NOSIP: variants seen among roughly 807,000 people sequenced by gnomAD.
The protein encoded by NOSIP is nitric oxide synthase interacting protein, also known as nitric oxide synthase-interacting protein.
A neutral mutation model predicts 36.4 loss-of-function variants in NOSIP; 25 were observed. The ratio of observed to expected loss-of-function variants is 0.69; its 90% CI spans 0.50 to 0.96. The LOEUF is 0.96. Ranked by LOEUF, NOSIP falls within the 40% of genes least tolerant of loss-of-function variation. The pLI is 0.00. For synonymous variants in NOSIP, 187 were observed against 179.2 expected, an observed-to-expected ratio of 1.04 and a Z score of -0.35; for missense variants, 370 against 429.0, an observed-to-expected ratio of 0.86 and a Z score of 1.21.
At chr19:49,561,334 G>A (rs1015647144) in intron 1 of NOSIP, among the ~76,000 whole-genome samples, 5 of 152,218 alleles carry the variant, frequency 3.3e-5, no homozygotes, top group Non-Finnish European at 5.9e-5. Flanking sequence ...AAAGGAGGAA[G>A]AGAAGACCCC....
chr19:49,556,383 C>A lies in NOSIP; in HGVS notation c.768G>T (p.Arg256=), dbSNP rs201174800. The A allele has an allele frequency of 1.2e-6, 2 of 1,613,812 alleles. No homozygotes were observed. Among genetic ancestry groups the A allele is most frequent in the African/African-American group, 1.3e-5 (1 of 74,966 alleles). ...VTLECVEKLI[R]KDMVDPVTGD... is the part of the protein sequence containing the mutation. ...CAGTCACAGGGTCCACCATGTCCTT[C>A]CGAATCAGCTTCTCCACGCATTCGA... The change falls in exon 8 of 9, where the codon CGG becomes CGT. Residue 256 remains arginine (R), a synonymous_variant. Transcript: ENST00000596358.
At chr19:49,558,413 AT>A (rs146638349) in intron 4 of NOSIP, 59 of 148,514 alleles carry the variant, frequency 4.0e-4, no homozygotes, top group East Asian at 1.6e-3. Flanking sequence ...GCCCGGCTCA[AT>A]TTTTTTTTTT....
chr19:49,561,377 T>G (rs1005156828), intron 1 of NOSIP, among the ~76,000 whole-genome samples: 1 of 152,120 alleles, frequency 6.6e-6, no homozygotes, highest in African/African-American at 2.4e-5. Context: ...AAAGCAAAGC[T>G]TTTTTTATTC....
At position 49,556,723 on chromosome 19, in the gene NOSIP, G is replaced by T; in HGVS notation, c.551C>A (p.Thr184Asn). The change falls in exon 7 of 9, where the codon ACC becomes AAC. Residue 184 changes from threonine to asparagine, a missense_variant. Thr to Asn is a moderately conservative substitution (Grantham distance 65). This residue lies in a region of NOSIP where 315 missense variants were observed against 331.9 expected (regional missense o/e 0.95). Transcript: ENST00000596358. ...CAGGGGCTTCCCTGACATGGGGCAG[G>T]TCACCGTGCGGGACTGCAAGGGGCA... is the stretch of plus-strand genomic sequence containing the variant. ...TKLEKPSRTV[T>N]CPMSGKPLRM... 1 of 1,607,774 alleles carries T rather than the reference G, an allele frequency of 6.2e-7. No homozygotes were observed.
At chr19:49,561,217 G>A (rs966890070) in intron 1 of NOSIP, among the ~76,000 whole-genome samples, 50 of 152,142 alleles carry the variant, frequency 3.3e-4, no homozygotes, top group African/African-American at 1.2e-3. Context: ...GTCCACTAGC[G>A]ACTGGATCTA....
intron 4 of NOSIP, 140 bp from the exon 5 acceptor site, chr19:49,557,389 C>T (rs1045922248): frequency 2.4e-5 from 34 of 1,443,908 alleles, no homozygotes; most frequent in Middle Eastern, 2.6e-4. Flanking sequence ...TAACTGCCAC[C>T]CTGGGTGGGT....
intron 1 of NOSIP, among the ~76,000 whole-genome samples, chr19:49,565,736 C>T (rs191315069): frequency 6.7e-6 from 1 of 148,804 alleles, no homozygotes; most frequent in Non-Finnish European, 1.5e-5. Context: ...CCAGCCTGGG[C>T]AATAGAGTGA....
Position 49,558,928 on chromosome 19 carries a change from T to A in NOSIP, c.227A>T (p.His76Leu). Residue 76 changes from histidine to leucine, a missense_variant, in exon 4 of 9, where the codon CAC (histidine) becomes CTC (leucine). Coordinates refer to ENST00000596358, the MANE Select transcript of NOSIP (RefSeq NM_001270960.2). ...CTGCCGGGCAATCTCCTTCTTCTGG[T>A]GCAGAATGTACTCCAGGATGGCCTC... ...EREAILEYIL[H>L]QKKEIARQMK... 6.2e-7 allele frequency: 1 copy of A among 1,614,128 alleles called. No individual in the cohort carries two copies. Among genetic ancestry groups the A allele is most frequent in the East Asian group, 2.2e-5 (1 of 44,886 alleles).
At chr19:49,572,406 C>CTTTTTTTTT (rs35209614) in intron 1 of NOSIP, among the ~76,000 whole-genome samples, 1 of 97,934 alleles carries the variant, frequency 1.0e-5, no homozygotes, top group Admixed American at 1.2e-4. Flanking sequence ...TGCACCCAGC[C>CTTTTTTTTT]TTTTTTTTTT....
Position 49,560,091 on chromosome 19 carries a change from G to T in NOSIP, c.71-52C>A. On this transcript the variant is annotated intron_variant, in intron 2 of 8. Coordinates refer to ENST00000596358, the MANE Select transcript of NOSIP (RefSeq NM_001270960.2). This position sits in a 1 kb window ranked among gnomAD's most constrained non-coding sequence, Gnocchi z 4.6. ...GGAGGGGCGGAGCAACAGGAGACAT[G>T]TCCGTCTCCAAAGCCCCAGAGAGAG... The T allele has an allele frequency of 8.0e-7, 1 of 1,248,542 alleles. No individual in the cohort carries two copies. The highest frequency in any genetic ancestry group is 1.2e-6 in the Non-Finnish European group (1 of 866,724). The allele number at this position is 1,248,542 out of a possible 1,614,324, so 77.3% of individuals were successfully genotyped here.
chr19:49,564,563 AC>A (rs2080381355), intron 1 of NOSIP, among the ~76,000 whole-genome samples: 1 of 151,972 alleles, frequency 6.6e-6, no homozygotes. Flanking sequence ...ACATGGAGCT[AC>A]TAGAACCCTC....
intron 1 of NOSIP, among the ~76,000 whole-genome samples, chr19:49,575,512 G>A (rs2080540278): frequency 6.6e-6 from 1 of 152,158 alleles, no homozygotes; most frequent in African/African-American, 2.4e-5. Context: ...TATGCAACAT[G>A]AAGCGACCAG....
At position 49,580,504 on chromosome 19, in the gene NOSIP, C is replaced by T. The variant is rs922512915; in HGVS notation, c.-2+11G>A. 1.3e-5 allele frequency: 2 copies of T among 152,218 alleles called. No individual in the cohort carries two copies. Among genetic ancestry groups the T allele is most frequent in the South Asian group, 4.1e-4 (2 of 4,834 alleles). The allele number at this position is 152,218 out of a possible 1,614,324, so 9.4% of individuals were successfully genotyped here. The stretch of plus-strand genomic sequence containing the variant: ...CCCAGCAACACTCTTCCTGCACCGC[C>T]TCGAACTCACCTCACTAACGACTCC... On this transcript the variant is annotated intron_variant, in intron 1 of 8. Coordinates refer to ENST00000596358, the MANE Select transcript of NOSIP (RefSeq NM_001270960.2).
rs1398723654 is a variant in NOSIP, at chr19:49,560,448, C to G, written c.70+174G>C. The G allele has an allele frequency of 4.8e-6, 3 of 625,912 alleles. No homozygotes were observed. Among genetic ancestry groups the G allele is most frequent in the Non-Finnish European group, 2.9e-6 (1 of 344,846 alleles). 38.8% of individuals were successfully genotyped at this position (625,912 alleles called of 1,614,324 possible). ...GCGCAGAAGGCAGAGAACACAGTGC[C>G]GGGCCACATGGGGTCATGGGATCAC... is the stretch of plus-strand genomic sequence containing the variant. On this transcript the variant is annotated intron_variant, in intron 2 of 8. Transcript: ENST00000596358. The surrounding 1 kb of genome is among the most constrained non-coding windows in gnomAD (Gnocchi z 4.6).
At chr19:49,557,324 A>G in intron 4 of NOSIP, 75 bp from the exon 5 acceptor site, 1 of 1,491,054 alleles carries the variant, frequency 6.7e-7, no homozygotes. Context: ...CAGGTAGGTA[A>G]ACTGAGGCCC....
intron 1 of NOSIP, among the ~76,000 whole-genome samples, chr19:49,568,095 T>C (rs2080434450): frequency 6.6e-6 from 1 of 152,098 alleles, no homozygotes; most frequent in African/African-American, 2.4e-5. Flanking sequence ...GAAAACAGGA[T>C]TGTGTCACAA....
intron 1 of NOSIP, among the ~76,000 whole-genome samples, chr19:49,577,547 GAAAAA>G (rs963323693): frequency 6.9e-6 from 1 of 144,840 alleles, no homozygotes; most frequent in Non-Finnish European, 1.5e-5. Context: ...CTCAAAAAAA[GAAAAA>G]AAAAGAAAAG....
intron 1 of NOSIP, among the ~76,000 whole-genome samples, chr19:49,580,273 T>A (rs1232549893): frequency 6.7e-6 from 1 of 149,756 alleles, no homozygotes; most frequent in Non-Finnish European, 1.5e-5. Context: ...TAGCTACCAC[T>A]TGACTGAGTT....
At chr19:49,576,997 T>C (rs1468356348) in intron 1 of NOSIP, among the ~76,000 whole-genome samples, 2 of 148,390 alleles carry the variant, frequency 1.3e-5, no homozygotes, top group African/African-American at 5.0e-5. Flanking sequence ...AATTTGAAAA[T>C]GGGTAAAGGA....
Sources: allele counts gnomAD v4.1 joint callset (sites outside exome capture counted in the v4.1 genomes callset), GRCh38; gene constraint gnomAD v4.1.1; regional missense constraint gnomAD v4.1.1; non-coding constraint Gnocchi (gnomAD v3.1); transcripts MANE v1.5; gene names NCBI Gene and HGNC (gene_info 2026-07-23, HGNC 2026-07-21).